The following PGGT1B variants were observed in gnomAD, a reference collection of about 807,000 sequenced individuals.
PGGT1B encodes the protein geranylgeranyl transferase type-1 subunit beta.
A neutral mutation model predicts 46.1 loss-of-function variants in PGGT1B; 30 were observed. That is an observed-to-expected ratio of 0.65 (90% CI 0.49 to 0.88). The LOEUF (loss-of-function observed/expected upper bound fraction) is 0.88. PGGT1B is among the 40% of genes least tolerant of loss of function. The probability of loss-of-function intolerance (pLI) is 0.00; values close to 1 mark genes in which losing one functional copy is unlikely to be tolerated. For synonymous variants in PGGT1B, 170 were observed against 160.0 expected (o/e 1.06, Z -0.47); for missense variants, 376 against 455.9 (o/e 0.82, Z 1.60).
At chr5:115,262,480 A>C in intron 1 of PGGT1B, 1 of 514,458 alleles carries the variant, frequency 1.9e-6, no homozygotes, top group Non-Finnish European at 3.5e-6. Context: ...AGAAAAGGGA[A>C]GTGAAAAAGC....
intron 3 of PGGT1B, among the ~76,000 whole-genome samples, chr5:115,240,774 T>C (rs1017908510): frequency 1.3e-5 from 2 of 152,190 alleles, no homozygotes; most frequent in African/African-American, 4.8e-5. Context: ...GATACTGGCT[T>C]ATAACCATTA....
intron 2 of PGGT1B, among the ~76,000 whole-genome samples, chr5:115,249,511 AAGAG>A (rs1183406325): frequency 6.6e-6 from 1 of 152,054 alleles, no homozygotes; most frequent in African/African-American, 2.4e-5. Context: ...GGCTAATTTA[AAGAG>A]AGAGACAAGG....
rs375050333 is a variant in PGGT1B, at chr5:115,246,800, G to A, written c.260-5194C>T. On this transcript the variant is annotated intron_variant, in intron 2 of 8. Coordinates refer to ENST00000419445, the MANE Select transcript of PGGT1B (RefSeq NM_005023.4). The stretch of plus-strand genomic sequence containing the variant: ...GTCAGAATCAAGAACTACTGATTTG[G>A]TAAATATACTTTTGTAGAACTATAG... 7.4e-4 allele frequency among the ~76,000 whole-genome samples: 112 copies of A among 152,262 alleles called. 4 individuals carry two copies. The South Asian group carries it at 0.022, about 30-fold the overall frequency.
intron 7 of PGGT1B, among the ~76,000 whole-genome samples, chr5:115,219,932 C>A (rs1171598646): frequency 1.3e-5 from 2 of 151,522 alleles, no homozygotes; most frequent in African/African-American, 4.8e-5. Context: ...TACATAAAAA[C>A]AAACAGAAAA....
At chr5:115,219,994 A>T (rs1392793706) in intron 7 of PGGT1B, among the ~76,000 whole-genome samples, 2 of 151,846 alleles carry the variant, frequency 1.3e-5, no homozygotes, top group Non-Finnish European at 3.0e-5. Flanking sequence ...ACATTGCTAG[A>T]GGGAATACAA....
intron 2 of PGGT1B, among the ~76,000 whole-genome samples, chr5:115,250,000 G>C (rs1448398589): frequency 2.0e-5 from 3 of 151,950 alleles, no homozygotes; most frequent in Non-Finnish European, 4.4e-5. Flanking sequence ...TTTTCTAAAG[G>C]ACAATGTATC....
intron 1 of PGGT1B, 192 bp downstream of exon 1, chr5:115,262,520 C>T (rs71579481): frequency 1.1e-5 from 7 of 630,072 alleles, no homozygotes; most frequent in Admixed American, 3.0e-5. Context: ...AGCCCTCGAC[C>T]TACAGCCTTC....
chr5:115,253,677 A>G lies in PGGT1B; in HGVS notation c.141-422T>C, dbSNP rs183583423. 6.0e-3 allele frequency among the ~76,000 whole-genome samples: 907 copies of G among 152,180 alleles called. 4 individuals carry two copies. Among genetic ancestry groups the G allele is most frequent in the Non-Finnish European group, 9.6e-3 (651 of 67,886 alleles). ...AGCTTGTATTTAATTCTGGAGGAAT[A>G]TGAGAATAATGTCTTAATTCAAAGG... is the stretch of plus-strand genomic sequence containing the variant. On this transcript the variant is annotated intron_variant, in intron 1 of 8. Coordinates refer to ENST00000419445, the MANE Select transcript of PGGT1B (RefSeq NM_005023.4).
At chr5:115,258,233 G>T (rs1411668656) in intron 1 of PGGT1B, among the ~76,000 whole-genome samples, 2 of 152,084 alleles carry the variant, frequency 1.3e-5, no homozygotes, top group African/African-American at 4.8e-5. Context: ...TTTCTCAACT[G>T]GCTCCTTTTG....
chr5:115,260,648 T>C (rs903447985), intron 1 of PGGT1B, among the ~76,000 whole-genome samples: 1 of 152,186 alleles, frequency 6.6e-6, no homozygotes, highest in Non-Finnish European at 1.5e-5. Context: ...CATATGCAGT[T>C]ATCTTAAATG....
intron 1 of PGGT1B, among the ~76,000 whole-genome samples, chr5:115,255,885 G>T (rs1471025968): frequency 6.6e-6 from 1 of 152,102 alleles, no homozygotes; most frequent in African/African-American, 2.4e-5. Flanking sequence ...CTCCACAGGG[G>T]TGCTTCTCAT....
At chr5:115,222,081 G>C (rs1383009372) in intron 6 of PGGT1B, 73 bp from the exon 7 acceptor site, 1 of 809,790 alleles carries the variant, frequency 1.2e-6, no homozygotes. Flanking sequence ...AATGTTCAAG[G>C]GGAAAAAGTG....
intron 1 of PGGT1B, among the ~76,000 whole-genome samples, chr5:115,261,904 G>C (rs1748570341): frequency 6.6e-6 from 1 of 152,174 alleles, no homozygotes; most frequent in Non-Finnish European, 1.5e-5. Flanking sequence ...TCTTGACCAA[G>C]TGTGCAGAAG....
intron 1 of PGGT1B, among the ~76,000 whole-genome samples, chr5:115,256,514 C>T (rs1748320327): frequency 2.0e-5 from 3 of 152,004 alleles, no homozygotes; most frequent in Admixed American, 2.0e-4. Flanking sequence ...TAGGGTGAGA[C>T]CATAAGGTTT....
chr5:115,240,073 C>T (rs915631609), intron 3 of PGGT1B, among the ~76,000 whole-genome samples: 16 of 152,162 alleles, frequency 1.1e-4, no homozygotes, highest in African/African-American at 3.9e-4. Context: ...CTCTCAGTGA[C>T]GGTTCTATGT....
chr5:115,236,298 T>C, intron 5 of PGGT1B, 92 bp downstream of exon 5: 1 of 903,680 alleles, frequency 1.1e-6, no homozygotes, highest in Non-Finnish European at 1.7e-6. Context: ...ATTTACAAAT[T>C]GTTGGCGGAA....
chr5:115,204,025 T>C lies in PGGT1B; in HGVS notation c.*8377A>G, dbSNP rs1469621663. ...TTTGAGAAAACGTTTTCTTTGCATA[T>C]CTGAGTATTTATTATGTTTTCGATC... On this transcript the variant is annotated 3_prime_UTR_variant, in exon 9 of 9. Transcript: ENST00000419445. The C allele has an allele frequency of 6.6e-6, 1 of 152,124 alleles. No individual in the cohort carries two copies. The highest frequency in any genetic ancestry group is 1.5e-5 in the Non-Finnish European group (1 of 68,042). The allele number at this position is 152,124 out of a possible 1,614,324, so 9.4% of individuals were successfully genotyped here.
intron 6 of PGGT1B, among the ~76,000 whole-genome samples, chr5:115,224,195 T>C (rs1355252649): frequency 1.3e-5 from 2 of 152,150 alleles, no homozygotes; most frequent in African/African-American, 2.4e-5. Context: ...GACTCACTAG[T>C]TCCAATTTTT....
In PGGT1B at chr5:115,241,546, G is replaced by A. The variant is rs1332676613; in HGVS notation, c.320C>T (p.Pro107Leu). The A allele has an allele frequency of 1.2e-6, 2 of 1,602,586 alleles. No homozygotes were observed. The highest frequency in any genetic ancestry group is 1.7e-6 in the Non-Finnish European group (2 of 1,172,976). ...GAACCAAATAGAACCAACCTTTGAT[G>A]GATTGAACGGAATACCCAGGTATGA... is the stretch of plus-strand genomic sequence containing the variant. ...GSSYLGIPFN[P>L]SKAPGTAHPY... The change falls in exon 3 of 9, where the codon CCA becomes CTA. Residue 107 changes from proline to leucine, a missense_variant. Pro to Leu is a moderately conservative substitution (Grantham distance 98). This residue lies in a region of PGGT1B where 154 missense variants were observed against 142.3 expected (regional missense o/e 1.08). Transcript: ENST00000419445.
Sources: allele counts gnomAD v4.1 joint callset (sites outside exome capture counted in the v4.1 genomes callset), GRCh38; gene constraint gnomAD v4.1.1; regional missense constraint gnomAD v4.1.1; transcripts MANE v1.5; gene names NCBI Gene and HGNC (gene_info 2026-07-23, HGNC 2026-07-21).